CCDC88C: variants seen among roughly 807,000 people sequenced by gnomAD.
CCDC88C encodes the protein coiled-coil and HOOK domain protein 88C, also known as protein Daple.
CCDC88C carries 131 observed loss-of-function variants against 198.8 expected under a neutral mutation model. The ratio of observed to expected loss-of-function variants is 0.66; its 90% CI spans 0.57 to 0.76. The LOEUF (loss-of-function observed/expected upper bound fraction) is 0.76, where lower values mean the gene tolerates loss of function less well. Among genes scored for constraint, CCDC88C ranks in the 30% least tolerant of loss-of-function variants. CCDC88C has a pLI of 0.00. For synonymous variants in CCDC88C, 1,166 were observed against 1,114.7 expected (o/e 1.05, Z -0.92); for missense variants, 2,553 against 2,631.6 (o/e 0.97, Z 0.65).
At chr14:91,363,810 C>T (rs1025506244) in intron 3 of CCDC88C, among the ~76,000 whole-genome samples, 1 of 152,246 alleles carries the variant, frequency 6.6e-6, no homozygotes, top group African/African-American at 2.4e-5. Flanking sequence ...CCCTCCCCCG[C>T]GGGGAATGTG....
chr14:91,304,153 C>CT (rs1891461678), intron 19 of CCDC88C, among the ~76,000 whole-genome samples, 175 bp from the exon 20 acceptor site: 1 of 152,222 alleles, frequency 6.6e-6, no homozygotes, highest in South Asian at 2.1e-4. Flanking sequence ...GGGAAGGGGA[C>CT]TAAACCGCAT....
At chr14:91,291,110 T>C in intron 23 of CCDC88C, 26 bp from the exon 24 acceptor site, 1 of 1,264,236 alleles carries the variant, frequency 7.9e-7, no homozygotes, top group East Asian at 2.4e-5. Flanking sequence ...AAAGAAAACC[T>C]ATCAATCCAG....
chr14:91,346,933 G>C (rs1027398212), intron 4 of CCDC88C, among the ~76,000 whole-genome samples: 10 of 152,274 alleles, frequency 6.6e-5, no homozygotes, highest in Admixed American at 3.9e-4. Flanking sequence ...GCCCACATGA[G>C]TGTTAACAAA....
intron 3 of CCDC88C, among the ~76,000 whole-genome samples, chr14:91,369,229 C>A (rs965043355): frequency 3.9e-5 from 6 of 152,318 alleles, no homozygotes; most frequent in Admixed American, 1.3e-4. Flanking sequence ...TGTGGCCCAA[C>A]CCCAGCCAAT....
At chr14:91,368,061 T>C (rs1894622203) in intron 3 of CCDC88C, among the ~76,000 whole-genome samples, 1 of 152,240 alleles carries the variant, frequency 6.6e-6, no homozygotes, top group Admixed American at 6.5e-5. Flanking sequence ...AAGCTGCTAA[T>C]AGTGACAGTT....
chr14:91,271,545 A>G lies in CCDC88C; in HGVS notation c.*1080T>C, dbSNP rs1470719997. 1 of 152,212 alleles carries G rather than the reference A, an allele frequency of 6.6e-6. No individual in the cohort carries two copies. Among genetic ancestry groups the G allele is most frequent in the African/African-American group, 2.4e-5 (1 of 41,440 alleles). The allele number at this position is 152,212 out of a possible 1,614,324, so 9.4% of individuals were successfully genotyped here. On this transcript the variant is annotated 3_prime_UTR_variant, in exon 30 of 30. Coordinates refer to ENST00000389857, the MANE Select transcript of CCDC88C (RefSeq NM_001080414.4). ...AAGCACCTTTACAACAGGAAACTAA[A>G]TTGTCAGGAATCTGACCAAAGACAC... is the stretch of plus-strand genomic sequence containing the variant.
Position 91,289,174 on chromosome 14 carries a change from G to C in CCDC88C, c.4372C>G (p.Pro1458Ala), listed in dbSNP as rs757901630. The change falls in exon 25 of 30, where the codon CCC (proline) becomes GCC (alanine). Residue 1458 changes from proline (P) to alanine (A), a missense_variant. Around this residue, in one of 2 missense-constraint regions of CCDC88C, gnomAD observed 1,293 missense variants for 1,219.6 expected, o/e 1.06. Transcript: ENST00000389857. ...TTGGAGCCCAGTGCGGGGGTGTCGG[G>C]GTTCTCGGCCTGTGATCTGAGCGGC... ...SQPLRSQAEN[P>A]DTPALGSNCA... 6.2e-7 allele frequency: 1 copy of C among 1,613,778 alleles called. No homozygotes were observed. Among genetic ancestry groups the C allele is most frequent in the African/African-American group, 1.3e-5 (1 of 74,940 alleles).
In CCDC88C at chr14:91,293,528, ACCTGCCACGGCCCAC is replaced by A. The variant is rs1890836504; in HGVS notation, c.4112+630_4112+644del. Among the ~76,000 whole-genome samples, 5 of 4,648 alleles carry A rather than the reference ACCTGCCACGGCCCAC, an allele frequency of 1.1e-3. 1 individual carries two copies. The highest frequency in any genetic ancestry group is 3.2e-3 in the African/African-American group (2 of 634). The allele number at this position is 4,648 out of a possible 152,430, so 3.0% of individuals were successfully genotyped here. On this transcript the variant is annotated intron_variant, in intron 23 of 29. Coordinates refer to ENST00000389857, the MANE Select transcript of CCDC88C (RefSeq NM_001080414.4). ...CCACGGCCTACCTTCCTGTCCCCTCACCTGCCACGGCCCACCTTCCTGTCCCCTCGCCTGCCACGG... is the reference window on the plus strand; with the variant it reads ...CCACGGCCTACCTTCCTGTCCCCTCACTTCCTGTCCCCTCGCCTGCCACGG...
chr14:91,401,614 C>G (rs1886209661), intron 3 of CCDC88C, among the ~76,000 whole-genome samples: 1 of 151,916 alleles, frequency 6.6e-6, no homozygotes, highest in African/African-American at 2.4e-5. Flanking sequence ...GGATTACAGG[C>G]GTGAGCCACC....
At chr14:91,290,687 C>T (rs1246010381) in intron 24 of CCDC88C, among the ~76,000 whole-genome samples, 1 of 152,216 alleles carries the variant, frequency 6.6e-6, no homozygotes, top group Admixed American at 6.5e-5. Flanking sequence ...GAGACGAAAA[C>T]CTGACAAGGC....
chr14:91,379,661 C>A, intron 3 of CCDC88C: 2 of 590,780 alleles, frequency 3.4e-6, no homozygotes, highest in Admixed American at 3.0e-5. Flanking sequence ...TTCTTCCACT[C>A]CGCCCCAGCA....
intron 28 of CCDC88C, among the ~76,000 whole-genome samples, chr14:91,278,647 G>A (rs1890067852): frequency 6.6e-6 from 1 of 152,090 alleles, no homozygotes; most frequent in Non-Finnish European, 1.5e-5. Context: ...CAGTAGAATG[G>A]AACTAGTGTT....
At chr14:91,414,939 G>C (rs1886970837) in intron 2 of CCDC88C, among the ~76,000 whole-genome samples, 1 of 152,170 alleles carries the variant, frequency 6.6e-6, no homozygotes, top group Admixed American at 6.5e-5. Context: ...TTTCTCAAAG[G>C]AACGGTCCAA....
At position 91,416,770 on chromosome 14, in the gene CCDC88C, G is replaced by T. The variant is rs753543127; in HGVS notation, c.129C>A (p.Asp43Glu). The change falls in exon 2 of 30, where the codon GAC becomes GAA. Residue 43 changes from aspartate to glutamate, a missense_variant. Asp to Glu is a conservative substitution (Grantham distance 45). Coordinates refer to ENST00000389857, the MANE Select transcript of CCDC88C (RefSeq NM_001080414.4). ...GCATAATTTGGTTCAAAAAGATGCC[G>T]TCCACTAAATCCATGTACATAGTCA... ...DNLTMYMDLVDGIFLNQIMLQ... is the reference protein window; with the variant it reads ...DNLTMYMDLVEGIFLNQIMLQ... The T allele has an allele frequency of 5.0e-6, 8 of 1,613,292 alleles. No individual in the cohort carries two copies. The highest frequency in any genetic ancestry group is 1.3e-5 in the African/African-American group (1 of 74,866).
chr14:91,324,840 G>A lies in CCDC88C; in HGVS notation c.1281C>T (p.Asn427=), dbSNP rs768288925. 7 of 1,613,512 alleles carry A rather than the reference G, an allele frequency of 4.3e-6. No homozygotes were observed. Among genetic ancestry groups the A allele is most frequent in the African/African-American group, 4.0e-5 (3 of 74,922 alleles). ...VLEIAQKQSM[N]ESAHLGWELE... is the part of the protein sequence containing the mutation. ...GCTCCCAGCCAAGGTGGGCAGATTC[G>A]TTCATGCTCTGCTTCTGTGCAATCT... The change falls in exon 12 of 30, where the codon AAC becomes AAT. Residue 427 remains asparagine (N), a synonymous_variant. Transcript: ENST00000389857.
chr14:91,410,255 T>C (rs1252549206), intron 2 of CCDC88C, among the ~76,000 whole-genome samples: 1 of 152,204 alleles, frequency 6.6e-6, no homozygotes, highest in Non-Finnish European at 1.5e-5. Context: ...CTCCCTTCCA[T>C]CTGACAGTCC....
rs2139806672 is a variant in CCDC88C at position 91,313,878 on chromosome 14, C to T, written c.1938G>A (p.Arg646=). Residue 646 remains arginine (R), a synonymous_variant, in exon 15 of 30, where the codon AGG becomes AGA. Coordinates refer to ENST00000389857, the MANE Select transcript of CCDC88C (RefSeq NM_001080414.4). The surrounding 1 kb of genome is among the most constrained non-coding windows in gnomAD (Gnocchi z 5.2). ...ELQRLQEENG[R]LARKVTSLET... ...CCAGGGAGGTCACCTTCCTGGCCAG[C>T]CTCCCGTTCTCCTCCTGGAGTCGCT... The T allele has an allele frequency of 6.2e-7, 1 of 1,607,660 alleles. No homozygotes were observed. Among genetic ancestry groups the T allele is most frequent in the South Asian group, 1.1e-5 (1 of 90,876 alleles).
rs1893220956 is a variant in CCDC88C, at chr14:91,339,649, G to T, written c.625-187C>A. Among the ~76,000 whole-genome samples, 1 of 152,208 alleles carries T rather than the reference G, an allele frequency of 6.6e-6. No individual in the cohort carries two copies. The highest frequency in any genetic ancestry group is 2.1e-4 in the South Asian group (1 of 4,834). ...AGGTGAAATATTTAGTGAAACAAAA[G>T]GGAGTGTACGAAGGAGGAGGGCCCC... On this transcript the variant is annotated intron_variant, in intron 7 of 29. Transcript: ENST00000389857. This position sits in a 1 kb window ranked among gnomAD's most constrained non-coding sequence, Gnocchi z 5.8.
intron 6 of CCDC88C, chr14:91,342,094 T>C (rs1444161333): frequency 1.3e-5 from 4 of 298,984 alleles, no homozygotes; most frequent in African/African-American, 8.7e-5. Context: ...CTCTTAAAAA[T>C]AGTCTGAGTC....
Sources: allele counts gnomAD v4.1 joint callset (sites outside exome capture counted in the v4.1 genomes callset), GRCh38; gene constraint gnomAD v4.1.1; regional missense constraint gnomAD v4.1.1; non-coding constraint Gnocchi (gnomAD v3.1); transcripts MANE v1.5; gene names NCBI Gene and HGNC (gene_info 2026-07-23, HGNC 2026-07-21).